The following ZNF398 variants were observed in gnomAD, a reference collection of about 807,000 sequenced individuals.
ZNF398 encodes the protein zinc finger protein 398.
Under a neutral mutation model 41.9 loss-of-function variants are expected in ZNF398, and 18 were observed. The observed-to-expected ratio is 0.43, with a 90% CI of 0.30 to 0.64. ZNF398 has a LOEUF of 0.64. Ranked by LOEUF, ZNF398 falls within the 30% of genes least tolerant of loss-of-function variation. The pLI is 0.14. For synonymous variants in ZNF398, 260 were observed against 308.8 expected, an observed-to-expected ratio of 0.84 and a Z score of 1.66; for missense variants, 669 against 822.8, an observed-to-expected ratio of 0.81 and a Z score of 2.29.
chr7:149,132,700 C>T (rs766948538), intron 2 of ZNF398, among the ~76,000 whole-genome samples: 1 of 152,130 alleles, frequency 6.6e-6, no homozygotes, highest in Non-Finnish European at 1.5e-5. Context: ...TGCAAATGAG[C>T]TTTCCACTGG....
intron 1 of ZNF398, chr7:149,148,110 C>CCGT (rs1827005463): frequency 3.5e-6 from 1 of 286,708 alleles, no homozygotes; most frequent in Non-Finnish European, 6.5e-6. Flanking sequence ...GGCTGGGGAG[C>CCGT]CGTCAGCCAT....
At chr7:149,137,126 C>A (rs911757250) in intron 2 of ZNF398, among the ~76,000 whole-genome samples, 8 of 152,070 alleles carry the variant, frequency 5.3e-5, no homozygotes, top group African/African-American at 1.2e-4. Flanking sequence ...CTCAGCCTCC[C>A]AAAGTGCTGG....
Position 149,181,689 on chromosome 7 carries a change from A to G in ZNF398, c.*1888A>G, listed in dbSNP as rs1795594564. On this transcript the variant is annotated 3_prime_UTR_variant, in exon 6 of 6. Transcript: ENST00000475153. ...TTCACAATACCAGGGACCATGGGAG[A>G]CACAAGAAATGTGTGTCTGCTGTCA... is the stretch of plus-strand genomic sequence containing the variant. 1 of 152,210 alleles carries G rather than the reference A, an allele frequency of 6.6e-6. No individual in the cohort carries two copies. Among genetic ancestry groups the G allele is most frequent in the Admixed American group, 6.5e-5 (1 of 15,268 alleles). 9.4% of individuals were successfully genotyped at this position (152,210 alleles called of 1,614,324 possible).
chr7:149,129,005 T>G (rs1358558430), intron 2 of ZNF398: 1 of 151,930 alleles, frequency 6.6e-6, no homozygotes, highest in African/African-American at 2.4e-5. Context: ...TTTCACCATG[T>G]TGGCCAGGCT....
At chr7:149,161,854 G>A (rs1349136346) in intron 2 of ZNF398, among the ~76,000 whole-genome samples, 1 of 148,944 alleles carries the variant, frequency 6.7e-6, no homozygotes, top group Non-Finnish European at 1.5e-5. Context: ...AATACAGCAA[G>A]AATTAGAAAC....
At chr7:149,157,408 G>T (rs887658382) in intron 2 of ZNF398, among the ~76,000 whole-genome samples, 1 of 151,648 alleles carries the variant, frequency 6.6e-6, no homozygotes, top group Non-Finnish European at 1.5e-5. Flanking sequence ...GGTGGCGAGC[G>T]TCTGTAGTCC....
At chr7:149,165,197 C>T (rs143846179) in intron 2 of ZNF398, among the ~76,000 whole-genome samples, 2 of 152,108 alleles carry the variant, frequency 1.3e-5, no homozygotes, top group African/African-American at 4.8e-5. Context: ...AGTTACCTCA[C>T]TTGCAGAGTT....
At chr7:149,176,412 T>C in intron 4 of ZNF398, 56 bp from the exon 5 acceptor site, 3 of 1,162,640 alleles carry the variant, frequency 2.6e-6, no homozygotes, top group Non-Finnish European at 3.9e-6. Context: ...AACTTGATTA[T>C]CTTACCTTCT....
At chr7:149,157,152 T>C (rs1794997157) in intron 2 of ZNF398, among the ~76,000 whole-genome samples, 3 of 151,838 alleles carry the variant, frequency 2.0e-5, no homozygotes, top group African/African-American at 7.3e-5. Context: ...GCCTTGGGGG[T>C]GGGAGGAAAT....
intron 2 of ZNF398, among the ~76,000 whole-genome samples, chr7:149,136,899 T>G (rs1826725622): frequency 6.8e-6 from 1 of 146,386 alleles, no homozygotes; most frequent in Non-Finnish European, 1.5e-5. Flanking sequence ...CGAGTTTTGC[T>G]CTTGTGGCCC....
intron 1 of ZNF398, among the ~76,000 whole-genome samples, chr7:149,126,987 G>T (rs989502476): frequency 3.3e-5 from 5 of 152,210 alleles, no homozygotes; most frequent in Non-Finnish European, 7.4e-5. Flanking sequence ...CCTCGGGGCC[G>T]CCTGCGGGGA....
intron 5 of ZNF398, among the ~76,000 whole-genome samples, chr7:149,177,943 G>A (rs905663092): frequency 3.3e-5 from 5 of 151,388 alleles, no homozygotes; most frequent in Non-Finnish European, 7.4e-5. Flanking sequence ...GACACCAGGA[G>A]TTCGAGACCC....
chr7:149,137,906 C>T (rs559486213), intron 2 of ZNF398, among the ~76,000 whole-genome samples: 7 of 152,008 alleles, frequency 4.6e-5, no homozygotes, highest in Admixed American at 1.3e-4. Flanking sequence ...TTTATGTTTT[C>T]GAAAAATATT....
At chr7:149,167,581 T>G (rs769865119) in intron 4 of ZNF398, among the ~76,000 whole-genome samples, 8 of 152,148 alleles carry the variant, frequency 5.3e-5, no homozygotes, top group Non-Finnish European at 1.2e-4. Flanking sequence ...TTATATGAAC[T>G]TCTCTTACAA....
At chr7:149,143,715 G>A (rs1052911546), upstream of ZNF398, among the ~76,000 whole-genome samples, 1 of 152,152 alleles carries the variant, frequency 6.6e-6, no homozygotes, top group African/African-American at 2.4e-5. Context: ...GGGAGGCTGA[G>A]GCAGGAGAAT....
In ZNF398 at chr7:149,179,000, T is replaced by C. The variant is rs1795530947; in HGVS notation, c.1128T>C (p.Pro376=). ...ACCCCTTACCCTGTGCCCAGTGCCC[T>C]AAGCACTTTACTCCACAGGCGGACC... ...TEHPLPCAQC[P]KHFTPQADLS... is the part of the protein sequence containing the mutation. The change falls in exon 6 of 6, where the codon CCT becomes CCC. Residue 376 remains proline (P), a synonymous_variant. Coordinates refer to ENST00000475153, the MANE Select transcript of ZNF398 (RefSeq NM_170686.3). 6.2e-7 allele frequency: 1 copy of C among 1,613,208 alleles called. No individual in the cohort carries two copies. Among genetic ancestry groups the C allele is most frequent in the Non-Finnish European group, 8.5e-7 (1 of 1,179,832 alleles).
At chr7:149,160,166 C>T (rs931977867) in intron 2 of ZNF398, among the ~76,000 whole-genome samples, 2 of 152,136 alleles carry the variant, frequency 1.3e-5, no homozygotes, top group Non-Finnish European at 2.9e-5. Context: ...AGGCCAGGCG[C>T]GGTGACTCAC....
At chr7:149,175,135 T>C (rs189481092) in intron 4 of ZNF398, among the ~76,000 whole-genome samples, 1 of 152,334 alleles carries the variant, frequency 6.6e-6, no homozygotes, top group Non-Finnish European at 1.5e-5. Context: ...CAGCCTCTTA[T>C]TTCTGCTTTG....
At chr7:149,160,515 A>G (rs1260385098) in intron 2 of ZNF398, among the ~76,000 whole-genome samples, 1 of 152,186 alleles carries the variant, frequency 6.6e-6, no homozygotes, top group Non-Finnish European at 1.5e-5. Flanking sequence ...CTTCACTTGA[A>G]TGTTTTCTCC....
Sources: allele counts gnomAD v4.1 joint callset (sites outside exome capture counted in the v4.1 genomes callset), GRCh38; gene constraint gnomAD v4.1.1; transcripts MANE v1.5; gene names NCBI Gene and HGNC (gene_info 2026-07-23, HGNC 2026-07-21).